Variants in RB1 observed in about 807,000 individuals in gnomAD.
RB1 encodes the protein RB transcriptional corepressor 1, also known as retinoblastoma-associated protein.
In RB1, 18 loss-of-function variants were observed where a neutral mutation model predicts 135.4. The observed-to-expected ratio is 0.13, with a 90% CI of 0.09 to 0.20. RB1 has a LOEUF of 0.20. RB1 is among the 10% of genes least tolerant of loss of function. RB1 has a pLI of 1.00. For missense variants in RB1, 868 were observed against 1,110.0 expected (o/e 0.78, Z 3.10); for synonymous variants, 365 against 373.2 (o/e 0.98, Z 0.25).
At chr13:48,391,043 T>C (rs566347054) in intron 17 of RB1, among the ~76,000 whole-genome samples, 48 of 152,302 alleles carry the variant, frequency 3.2e-4, no homozygotes, top group South Asian at 1.0e-3. Context: ...CTCCCTTTCC[T>C]CTTTTTCTGC....
intron 17 of RB1, among the ~76,000 whole-genome samples, chr13:48,414,954 T>C (rs1473647649): frequency 1.3e-5 from 2 of 152,124 alleles, no homozygotes; most frequent in African/African-American, 2.4e-5. Flanking sequence ...TGTATTCTCA[T>C]TGGAAAAAAT....
In RB1 at chr13:48,319,848, G is replaced by T; in HGVS notation, c.264+12442G>T. 1 of 326,832 alleles carries T rather than the reference G, an allele frequency of 3.1e-6. No homozygotes were observed. Among genetic ancestry groups the T allele is most frequent in the South Asian group, 3.7e-5 (1 of 27,070 alleles). The allele number at this position is 326,832 out of a possible 1,614,324, so 20.2% of individuals were successfully genotyped here. On this transcript the variant is annotated intron_variant, in intron 2 of 26. Transcript: ENST00000267163. This position sits in a 1 kb window ranked among gnomAD's most constrained non-coding sequence, Gnocchi z 5.0. The stretch of plus-strand genomic sequence containing the variant: ...CGAAGGAGTCGTTGCTGCTCGCTCT[G>T]ACCGGGAAGGCAGAACCCTAGTCCT...
chr13:48,435,528 ATCT>A (rs1226063955), intron 17 of RB1, among the ~76,000 whole-genome samples: 53 of 152,028 alleles, frequency 3.5e-4, no homozygotes, highest in Non-Finnish European at 2.9e-5. Flanking sequence ...TTCTTTCTTC[ATCT>A]TCTTCACATC....
intron 23 of RB1, among the ~76,000 whole-genome samples, chr13:48,466,069 G>A (rs1949441583): frequency 6.6e-6 from 1 of 151,010 alleles, no homozygotes; most frequent in Admixed American, 6.6e-5. Context: ...GGTCAAGGAG[G>A]CCTGCCTGCC....
intron 17 of RB1, among the ~76,000 whole-genome samples, chr13:48,430,099 A>G (rs1252471384): frequency 6.6e-6 from 1 of 152,194 alleles, no homozygotes; most frequent in Admixed American, 6.5e-5. Flanking sequence ...CCTAATTTGC[A>G]TTCTCCACAC....
intron 2 of RB1, among the ~76,000 whole-genome samples, chr13:48,314,347 G>T (rs890982146): frequency 6.6e-6 from 1 of 152,034 alleles, no homozygotes; most frequent in African/African-American, 2.4e-5. Flanking sequence ...ATGTCTTTTC[G>T]TTTAAGTCTT....
intron 2 of RB1, chr13:48,317,507 TC>T: frequency 2.3e-5 from 10 of 443,740 alleles, no homozygotes; most frequent in South Asian, 6.4e-5. Context: ...ATGTGAAAGC[TC>T]CCCCCAGCAC....
rs2138144909 is a variant in RB1 at position 48,381,267 on chromosome 13, G to C, written c.1519G>C (p.Asp507His). Residue 507 changes from aspartate to histidine, a missense_variant, in exon 17 of 27, where the codon GAT becomes CAT. Asp to His is a moderately conservative substitution (Grantham distance 81). Transcript: ENST00000267163. ...TYSRSTSQNL[D>H]SGTDLSFPWI... ...TTTAGGAAGTACATCTCAGAATCTT[G>C]ATTCTGGAACAGATTTGTCTTTCCC... 6.2e-7 allele frequency: 1 copy of C among 1,607,144 alleles called. No homozygotes were observed. The highest frequency in any genetic ancestry group is 2.2e-5 in the East Asian group (1 of 44,592).
intron 8 of RB1, 104 bp from the exon 9 acceptor site, chr13:48,364,790 C>A: frequency 7.7e-7 from 1 of 1,301,684 alleles, no homozygotes; most frequent in Non-Finnish European, 1.0e-6. Context: ...TTTTTTACTG[C>A]ATGGGGGATT....
chr13:48,308,031 A>G (rs1005329505), intron 2 of RB1, among the ~76,000 whole-genome samples: 1 of 151,882 alleles, frequency 6.6e-6, no homozygotes, highest in African/African-American at 2.4e-5. Flanking sequence ...CAGTGTTCAG[A>G]TTTCCTGACT....
intron 2 of RB1, among the ~76,000 whole-genome samples, chr13:48,332,850 A>G (rs1372898911): frequency 6.6e-6 from 1 of 152,160 alleles, no homozygotes; most frequent in Non-Finnish European, 1.5e-5. Context: ...ACTTAACCCT[A>G]TATATACTAT....
At chr13:48,411,751 TTTTG>T in intron 17 of RB1, 7 of 1,610,444 alleles carry the variant, frequency 4.3e-6, no homozygotes, top group Non-Finnish European at 5.9e-6. Context: ...AAAACCTTAG[TTTTG>T]TTTATTTTGC....
chr13:48,385,121 G>A (rs1022956995), intron 17 of RB1, among the ~76,000 whole-genome samples: 20 of 152,116 alleles, frequency 1.3e-4, no homozygotes, highest in African/African-American at 4.8e-4. Flanking sequence ...TATGTCAGAT[G>A]CTTTATTCCC....
chr13:48,450,780 C>G (rs1949322122), intron 17 of RB1, among the ~76,000 whole-genome samples: 1 of 152,134 alleles, frequency 6.6e-6, no homozygotes, highest in Admixed American at 6.5e-5. Context: ...GCTGTATGGT[C>G]AGTCTTACAA....
chr13:48,321,868 C>CAA (rs113692325), intron 2 of RB1, among the ~76,000 whole-genome samples: 5 of 151,546 alleles, frequency 3.3e-5, no homozygotes, highest in African/African-American at 1.2e-4. Flanking sequence ...AAAACAGCAA[C>CAA]AAAAAAAATC....
intron 21 of RB1, among the ~76,000 whole-genome samples, chr13:48,464,059 A>G (rs1308579466): frequency 6.6e-6 from 1 of 152,202 alleles, no homozygotes; most frequent in Non-Finnish European, 1.5e-5. Flanking sequence ...TTTTTTATAA[A>G]GTTAATAAAT....
chr13:48,361,979 C>T (rs1952645752), intron 7 of RB1, among the ~76,000 whole-genome samples: 1 of 143,414 alleles, frequency 7.0e-6, no homozygotes, highest in South Asian at 2.2e-4. Flanking sequence ...GTCTCACTCA[C>T]TCTGTCGCCC....
At chr13:48,429,594 A>G (rs1949109463) in intron 17 of RB1, 1 of 152,186 alleles carries the variant, frequency 6.6e-6, no homozygotes, top group Admixed American at 6.5e-5. Flanking sequence ...AGAACTAAAA[A>G]AAAAACAAAA....
chr13:48,434,981 G>T (rs754187549), intron 17 of RB1, among the ~76,000 whole-genome samples: 6 of 152,120 alleles, frequency 3.9e-5, no homozygotes, highest in Non-Finnish European at 7.4e-5. Flanking sequence ...AGAATATCAG[G>T]ACAGGTTCTA....
Sources: gnomAD v4.1 joint callset for allele counts (sites outside exome capture counted in the v4.1 genomes callset) on GRCh38, gnomAD v4.1.1 for gene constraint, Gnocchi (gnomAD v3.1) non-coding constraint, MANE v1.5 for transcripts, NCBI Gene and HGNC (gene_info 2026-07-23, HGNC 2026-07-21) for gene names.